ZDHHC15: variants seen among roughly 807,000 people sequenced by gnomAD.
ZDHHC15 encodes the protein palmitoyltransferase ZDHHC15.
In ZDHHC15, 19 loss-of-function variants were observed where a neutral mutation model predicts 31.7. That is an observed-to-expected ratio of 0.60 (90% CI 0.42 to 0.88). The LOEUF (loss-of-function observed/expected upper bound fraction) is 0.88. ZDHHC15 is among the 40% of genes least tolerant of loss of function. The pLI is 0.00. For synonymous variants in ZDHHC15, 103 were observed against 90.0 expected (o/e 1.14, Z -0.82); for missense variants, 209 against 251.2 (o/e 0.83, Z 1.14).
chrX:75,515,920 A>G (rs1385604396), intron 1 of ZDHHC15, among the ~76,000 whole-genome samples: 1 of 111,519 alleles, frequency 9.0e-6, no homozygotes, highest in Non-Finnish European at 1.9e-5. Context: ...AAAAATCACA[A>G]GCATTCGTAT....
At chrX:75,469,756 C>T (rs932045137) in intron 3 of ZDHHC15, among the ~76,000 whole-genome samples, 1 of 111,271 alleles carries the variant, frequency 9.0e-6, no homozygotes, top group African/African-American at 3.3e-5. Flanking sequence ...AATTGCTAGA[C>T]CCTGTGGTGG....
chrX:75,379,830 C>T (rs1210439606), intron 10 of ZDHHC15, among the ~76,000 whole-genome samples: 1 of 111,984 alleles, frequency 8.9e-6, no homozygotes, highest in Non-Finnish European at 1.9e-5. Flanking sequence ...CTGCACAGCA[C>T]AGTGTCTTTT....
chrX:75,477,450 T>C (rs2084623237), intron 3 of ZDHHC15, among the ~76,000 whole-genome samples: 1 of 112,031 alleles, frequency 8.9e-6, no homozygotes, highest in African/African-American at 3.2e-5. Context: ...AAGTGGGGTA[T>C]TGAAGTCTCC....
Position 75,513,374 on chromosome X carries a change from A to G in ZDHHC15, c.137-7527T>C, listed in dbSNP as rs565807181. 1.2e-4 allele frequency among the ~76,000 whole-genome samples: 13 copies of G among 112,013 alleles called. No homozygotes were observed. The South Asian group carries it at 4.5e-3, about 38-fold the overall frequency. Reference sequence around the variant, plus strand: ...CTTACATCCCTCCTCAAAAGCAACTAATGAGCTGGCAAAAACTGTCAGAAT... The same window carrying G: ...CTTACATCCCTCCTCAAAAGCAACTGATGAGCTGGCAAAAACTGTCAGAAT... On this transcript the variant is annotated intron_variant, in intron 1 of 11. Transcript: ENST00000373367.
chrX:75,478,574 G>A (rs1339951929), intron 3 of ZDHHC15, among the ~76,000 whole-genome samples: 2 of 110,951 alleles, frequency 1.8e-5, no homozygotes, highest in African/African-American at 3.3e-5. Context: ...GTATTGACAG[G>A]GTCTCACTTT....
chrX:75,433,695 GTGTATATATA>G (rs1157481970), intron 4 of ZDHHC15, among the ~76,000 whole-genome samples: 1 of 5,104 alleles, frequency 2.0e-4, no homozygotes, highest in Non-Finnish European at 1.8e-3. Flanking sequence ...GTGTGTGTGT[GTGTATATATA>G]TATATATATA....
intron 2 of ZDHHC15, among the ~76,000 whole-genome samples, chrX:75,492,786 G>A (rs1403292320): frequency 8.9e-6 from 1 of 111,904 alleles, no homozygotes; most frequent in Non-Finnish European, 1.9e-5. Context: ...AAAGCAGTGT[G>A]TAGAGGGAAA....
chrX:75,422,718 C>CT (rs1400500037), intron 8 of ZDHHC15, among the ~76,000 whole-genome samples: 5 of 111,641 alleles, frequency 4.5e-5, no homozygotes, highest in Admixed American at 3.8e-4. Context: ...TAGCTGGTCT[C>CT]TAAGCCAAAT....
intron 3 of ZDHHC15, among the ~76,000 whole-genome samples, chrX:75,459,747 G>T (rs757290591): frequency 1.8e-5 from 2 of 112,271 alleles, no homozygotes; most frequent in African/African-American, 3.2e-5. Context: ...TCCAGTTTTA[G>T]AGAGTGAAAA....
Position 75,369,309 on chromosome X carries a change from ATGTGTATGTG to A in ZDHHC15, c.*3659_*3668del, listed in dbSNP as rs2082984855. On this transcript the variant is annotated 3_prime_UTR_variant, in exon 12 of 12. Transcript: ENST00000373367. ...GAAGAGGCAGCCTGCTTTGGAGAAA[ATGTGTATGTG>A]TGTGTGTGTGTGTGTGTGTGTGTGT... 2.7e-5 allele frequency: 1 copy of A among 37,230 alleles called. No homozygotes were observed. Among genetic ancestry groups the A allele is most frequent in the African/African-American group, 6.4e-5 (1 of 15,589 alleles). The allele number at this position is 37,230 out of a possible 1,213,427, so 3.1% of individuals were successfully genotyped here.
At chrX:75,522,487 C>A (rs1321606957) in intron 1 of ZDHHC15, among the ~76,000 whole-genome samples, 2 of 111,414 alleles carry the variant, frequency 1.8e-5, no homozygotes, top group Admixed American at 9.5e-5. Flanking sequence ...TAGTTGGATG[C>A]ATTGGTGAGA....
At chrX:75,403,190 C>G (rs1049178711) in intron 10 of ZDHHC15, among the ~76,000 whole-genome samples, 1 of 111,699 alleles carries the variant, frequency 9.0e-6, no homozygotes, top group Non-Finnish European at 1.9e-5. Flanking sequence ...ATTCAACATC[C>G]CTTCATGTTA....
intron 9 of ZDHHC15, among the ~76,000 whole-genome samples, chrX:75,420,719 C>G (rs1479362724): frequency 9.0e-6 from 1 of 110,958 alleles, no homozygotes; most frequent in Non-Finnish European, 1.9e-5. Flanking sequence ...AAACCAAACA[C>G]CGCATGTTCT....
intron 1 of ZDHHC15, 36 bp from the exon 2 acceptor site, chrX:75,505,883 A>C (rs1325562938): frequency 2.7e-6 from 3 of 1,116,317 alleles, no homozygotes; most frequent in Non-Finnish European, 3.7e-6. Context: ...ACAGACAGAC[A>C]GACAGAGATG....
At chrX:75,420,093 G>A (rs1423933054) in intron 9 of ZDHHC15, among the ~76,000 whole-genome samples, 2 of 109,800 alleles carry the variant, frequency 1.8e-5, no homozygotes, top group Admixed American at 9.8e-5. Context: ...AAAGCTTAAA[G>A]TATAATAAAA....
chrX:75,492,042 A>G, intron 2 of ZDHHC15, among the ~76,000 whole-genome samples: 1 of 111,608 alleles, frequency 9.0e-6, no homozygotes, highest in Non-Finnish European at 1.9e-5. Context: ...GTATTCAGGA[A>G]ACCCATGTCA....
At chrX:75,476,020 T>C (rs2084598152) in intron 3 of ZDHHC15, among the ~76,000 whole-genome samples, 2 of 111,504 alleles carry the variant, frequency 1.8e-5, no homozygotes, top group South Asian at 3.7e-4. Context: ...TTGTTCATTG[T>C]TAGTGTATCA....
intron 8 of ZDHHC15, among the ~76,000 whole-genome samples, 198 bp downstream of exon 8, chrX:75,424,454 T>C (rs2083687297): frequency 9.0e-6 from 1 of 111,383 alleles, no homozygotes. Context: ...TTAAAAAATA[T>C]TCTCATAATT....
At chrX:75,472,222 G>A (rs948591955) in intron 3 of ZDHHC15, among the ~76,000 whole-genome samples, 14 of 111,550 alleles carry the variant, frequency 1.3e-4, no homozygotes, top group African/African-American at 4.2e-4. Flanking sequence ...GGTTCACTAT[G>A]ATCAATTGAC....
Sources: gnomAD v4.1 joint callset for allele counts (sites outside exome capture counted in the v4.1 genomes callset) on GRCh38, gnomAD v4.1.1 for gene constraint, MANE v1.5 for transcripts, NCBI Gene and HGNC (gene_info 2026-07-23, HGNC 2026-07-21) for gene names.